Variants in FRMD3 observed in about 807,000 individuals in gnomAD.
FRMD3 encodes FERM domain containing 3, also known as FERM domain-containing protein 3.
Under a neutral mutation model 70.2 loss-of-function variants are expected in FRMD3, and 33 were observed. That is an observed-to-expected ratio of 0.47 (90% confidence interval 0.36 to 0.63). The LOEUF (loss-of-function observed/expected upper bound fraction) is 0.63. Among genes scored for constraint, FRMD3 ranks in the 20% least tolerant of loss-of-function variants. FRMD3 has a pLI of 0.00. For missense variants in FRMD3, 632 were observed against 711.4 expected, an observed-to-expected ratio of 0.89 and a Z score of 1.27; for synonymous variants, 279 against 255.9, an observed-to-expected ratio of 1.09 and a Z score of -0.86.
At chr9:83,496,834 C>T (rs547500343) in intron 1 of FRMD3, among the ~76,000 whole-genome samples, 3 of 149,950 alleles carry the variant, frequency 2.0e-5, no homozygotes, top group Non-Finnish European at 4.5e-5. Context: ...TCAGTGTAGA[C>T]TGGGTGCGGT....
intron 1 of FRMD3, among the ~76,000 whole-genome samples, chr9:83,470,111 AT>A (rs201980121): frequency 0.054 from 8,197 of 152,140 alleles, 351 homozygotes; most frequent in East Asian, 0.15. Flanking sequence ...ATTTAAAAGA[AT>A]TTTTTTTAAA....
At position 83,248,461 on chromosome 9, in the gene FRMD3, T is replaced by G. The variant is rs771010858; in HGVS notation, c.1251A>C (p.Pro417=). 1 of 1,613,706 alleles carries G rather than the reference T, an allele frequency of 6.2e-7. No individual in the cohort carries two copies. The highest frequency in any genetic ancestry group is 8.5e-7 in the Non-Finnish European group (1 of 1,179,974). ...CTTCATACTCCCGGGCTGCCTTCAC[T>G]GGGGAGCTGGAGATCAAGGGAGCAG... ...NISAPLISSS[P]VKAAREYEDP... Residue 417 remains proline (P), a synonymous_variant, in exon 14 of 14, where the codon CCA becomes CCC. Transcript: ENST00000304195.
At chr9:83,266,388 A>G (rs1293586157) in intron 13 of FRMD3, among the ~76,000 whole-genome samples, 1 of 152,228 alleles carries the variant, frequency 6.6e-6, no homozygotes, top group East Asian at 1.9e-4. Flanking sequence ...ATTGGTAAAA[A>G]CCACATTTAT....
rs1157573885 is a variant in FRMD3 at position 83,247,212 on chromosome 9, T to G, written c.*706A>C. 1 of 985,370 alleles carries G rather than the reference T, an allele frequency of 1.0e-6. No homozygotes were observed. The highest frequency in any genetic ancestry group is 1.2e-6 in the Non-Finnish European group (1 of 829,884). The allele number at this position is 985,370 out of a possible 1,614,324, so 61.0% of individuals were successfully genotyped here. A position where few individuals can be genotyped will look rare whatever the true frequency, so the allele number is the denominator to read the frequency against. On this transcript the variant is annotated 3_prime_UTR_variant, in exon 14 of 14. Coordinates refer to ENST00000304195, the MANE Select transcript of FRMD3 (RefSeq NM_174938.6). ...CTCTGTTTTAGCAGCTTACTTACTA[T>G]AGTGTCTTTCTACCCATTTTCTATC...
intron 12 of FRMD3, among the ~76,000 whole-genome samples, chr9:83,295,885 T>A (rs1323775): frequency 0.48 from 72,482 of 152,014 alleles, 19,795 homozygotes; most frequent in South Asian, 0.7. Context: ...ATGATCAGCA[T>A]GAAAACATCA....
chr9:83,433,697 C>T (rs1366337318), intron 1 of FRMD3, among the ~76,000 whole-genome samples: 1 of 152,184 alleles, frequency 6.6e-6, no homozygotes, highest in Non-Finnish European at 1.5e-5. Context: ...GAGACAGTGA[C>T]AGATCATCAG....
intron 1 of FRMD3, among the ~76,000 whole-genome samples, chr9:83,501,021 C>A (rs1168071560): frequency 6.6e-6 from 1 of 152,030 alleles, no homozygotes; most frequent in Non-Finnish European, 1.5e-5. Context: ...ATCAAAGTTG[C>A]CAAAAACAAA....
At chr9:83,416,979 C>T (rs894741221) in intron 1 of FRMD3, among the ~76,000 whole-genome samples, 2 of 152,140 alleles carry the variant, frequency 1.3e-5, no homozygotes, top group African/African-American at 4.8e-5. Flanking sequence ...ACCACATTCA[C>T]CAAATTCCAC....
At position 83,520,280 on chromosome 9, in the gene FRMD3, T is replaced by C. The variant is rs115487543; in HGVS notation, c.147+17805A>G. On this transcript the variant is annotated intron_variant, in intron 1 of 13. Coordinates refer to ENST00000304195, the MANE Select transcript of FRMD3 (RefSeq NM_174938.6). ...CAGGCATTGGATTAAAACTCTAAAA[T>C]CCCTTCCAACTTTCTAAGTTCTCTC... is the stretch of plus-strand genomic sequence containing the variant. Among the ~76,000 whole-genome samples the C allele has an allele frequency of 7.7e-4, 118 of 152,260 alleles. No homozygotes were observed. The Middle Eastern group carries it at 0.02, about 26-fold the overall frequency.
At chr9:83,403,321 C>T (rs1180943702) in intron 1 of FRMD3, among the ~76,000 whole-genome samples, 1 of 152,130 alleles carries the variant, frequency 6.6e-6, no homozygotes, top group African/African-American at 2.4e-5. Flanking sequence ...AATAAGAAAT[C>T]ATCTTTCCTC....
At position 83,420,384 on chromosome 9, in the gene FRMD3, C is replaced by T. The variant is rs958328885; in HGVS notation, c.148-30676G>A. Among the ~76,000 whole-genome samples, 5 of 152,338 alleles carry T rather than the reference C, an allele frequency of 3.3e-5. No homozygotes were observed. In the South Asian group the frequency reaches 8.3e-4, roughly 25 times the overall value. On this transcript the variant is annotated intron_variant, in intron 1 of 13. Transcript: ENST00000304195. ...GACACTATAAACAAACACAGTTATA[C>T]TCATACCTCCTACATTATTCAGATT...
chr9:83,551,635 ACT>A, the FRMD3 span, among the ~76,000 whole-genome samples: 1 of 151,952 alleles, frequency 6.6e-6, no homozygotes, highest in Non-Finnish European at 1.5e-5. Flanking sequence ...GGCTATTATC[ACT>A]GATTCCATTT....
rs2131568808 is a variant in FRMD3, at chr9:83,538,263, T to C, written c.-32A>G. The C allele has an allele frequency of 6.5e-7, 1 of 1,539,438 alleles. No individual in the cohort carries two copies. On this transcript the variant is annotated 5_prime_UTR_variant, in exon 1 of 14. Transcript: ENST00000304195. This position sits in a 1 kb window ranked among gnomAD's most constrained non-coding sequence, Gnocchi z 4.7. ...CGGCCGTGGGGAGCGAGCGGGAGGC[T>C]CAGGGCCGGCGCGGTGCTCGCCTGC...
chr9:83,515,566 C>T (rs1182361868), intron 1 of FRMD3, among the ~76,000 whole-genome samples: 1 of 152,166 alleles, frequency 6.6e-6, no homozygotes, highest in Non-Finnish European at 1.5e-5. Context: ...TCCAGGAGAA[C>T]TTCCCCAACC....
chr9:83,359,552 G>A (rs755396930), intron 3 of FRMD3, among the ~76,000 whole-genome samples: 12 of 152,104 alleles, frequency 7.9e-5, no homozygotes, highest in Non-Finnish European at 1.6e-4. Context: ...CGAGTTTTCT[G>A]TCTCAACGAC....
the FRMD3 span, among the ~76,000 whole-genome samples, chr9:83,575,900 T>C: frequency 1.3e-5 from 2 of 152,120 alleles, no homozygotes; most frequent in African/African-American, 4.8e-5. Flanking sequence ...CAACTAATTC[T>C]ATTGGGCCAG....
At chr9:83,476,888 T>C (rs1022727426) in intron 1 of FRMD3, among the ~76,000 whole-genome samples, 2 of 152,228 alleles carry the variant, frequency 1.3e-5, no homozygotes, top group Admixed American at 6.5e-5. Flanking sequence ...AGGTAATTTT[T>C]TGGTGAAATA....
At chr9:83,357,254 T>TAAC (rs1824410414) in intron 3 of FRMD3, among the ~76,000 whole-genome samples, 2 of 30,280 alleles carry the variant, frequency 6.6e-5, no homozygotes, top group African/African-American at 5.9e-4. Context: ...TACATATATA[T>TAAC]ATATATATAT....
chr9:83,470,335 T>G (rs566667068), intron 1 of FRMD3, among the ~76,000 whole-genome samples: 1 of 152,312 alleles, frequency 6.6e-6, no homozygotes, highest in Admixed American at 6.5e-5. Flanking sequence ...TTAGTGTTGA[T>G]CTGGGCTGCA....
Sources: allele counts gnomAD v4.1 joint callset (sites outside exome capture counted in the v4.1 genomes callset), GRCh38; gene constraint gnomAD v4.1.1; non-coding constraint Gnocchi (gnomAD v3.1); transcripts MANE v1.5; gene names NCBI Gene and HGNC (gene_info 2026-07-23, HGNC 2026-07-21).